NABP1: variants seen among roughly 807,000 people sequenced by gnomAD.
NABP1 encodes SOSS complex subunit B2.
NABP1 carries 18 observed loss-of-function variants against 25.0 expected under a neutral mutation model. That is an observed-to-expected ratio of 0.72 (90% CI 0.50 to 1.07). The LOEUF is 1.07. NABP1 is among the 50% of genes least tolerant of loss of function. NABP1 has a pLI of 0.00. For synonymous variants in NABP1, 71 were observed against 85.0 expected, an observed-to-expected ratio of 0.84 and a Z score of 0.91; for missense variants, 270 against 255.6, an observed-to-expected ratio of 1.06 and a Z score of -0.39.
intron 1 of NABP1, 132 bp downstream of exon 1, chr2:191,678,837 C>T (rs546546280): frequency 7.6e-7 from 1 of 1,318,766 alleles, no homozygotes; most frequent in Non-Finnish European, 1.1e-6. Flanking sequence ...CTCTAGTGGC[C>T]TCCGCCCGAG....
Position 191,683,481 on chromosome 2 carries a change from T to A in NABP1, c.303-248T>A. 8.0e-6 allele frequency: 3 copies of A among 373,908 alleles called. No homozygotes were observed. The South Asian group carries it at 8.8e-5, about 11-fold the overall frequency. 23.2% of individuals were successfully genotyped at this position (373,908 alleles called of 1,614,324 possible). A position where few individuals can be genotyped will look rare whatever the true frequency, so the allele number is the denominator to read the frequency against. On this transcript the variant is annotated intron_variant, in intron 3 of 5. Transcript: ENST00000425611. The surrounding 1 kb of genome is among the most constrained non-coding windows in gnomAD (Gnocchi z 4.1). ...TTGTGTCCTTGATTTTTGATGTGAT[T>A]TTTTTTTCAGCACTAAAGAAGAATT... is the stretch of plus-strand genomic sequence containing the variant.
Position 191,686,234 on chromosome 2 carries a change from C to G in NABP1, c.*466C>G, listed in dbSNP as rs1376712358. ...AGCAGTAATTTTTGAGTGTTTGTGG[C>G]TCTCGGAATGATTGACTTCGTTCAG... On this transcript the variant is annotated 3_prime_UTR_variant, in exon 6 of 6. Transcript: ENST00000425611. 2 of 152,622 alleles carry G rather than the reference C, an allele frequency of 1.3e-5. No individual in the cohort carries two copies. The highest frequency in any genetic ancestry group is 2.9e-5 in the Non-Finnish European group (2 of 68,392). 9.5% of individuals were successfully genotyped at this position (152,622 alleles called of 1,614,324 possible). A position where few individuals can be genotyped will look rare whatever the true frequency, so the allele number is the denominator to read the frequency against.
At chr2:191,680,167 G>T (rs1384637278) in intron 2 of NABP1, among the ~76,000 whole-genome samples, 1 of 152,086 alleles carries the variant, frequency 6.6e-6, no homozygotes, top group Non-Finnish European at 1.5e-5. Flanking sequence ...TTTATCTTAG[G>T]AAGATAAAAG....
chr2:191,684,313 G>A lies in NABP1; in HGVS notation c.445+17G>A. ...GACCAGTGGGTAAGATTTTGTTTGT[G>A]TGTTTCATTTGTGATCAGGTATAAG... On this transcript the variant is annotated intron_variant, in intron 5 of 5. Coordinates refer to ENST00000425611, the MANE Select transcript of NABP1 (RefSeq NM_001031716.5). The A allele has an allele frequency of 6.7e-7, 1 of 1,498,916 alleles. No individual in the cohort carries two copies. Among genetic ancestry groups the A allele is most frequent in the Non-Finnish European group, 8.9e-7 (1 of 1,127,474 alleles). The allele number at this position is 1,498,916 out of a possible 1,614,324, so 92.9% of individuals were successfully genotyped here.
At position 191,684,228 on chromosome 2, in the gene NABP1, A is replaced by C. The variant is rs1195512171; in HGVS notation, c.379-2A>C. On this transcript the variant is annotated splice_acceptor_variant, in intron 4 of 5. Coordinates refer to ENST00000425611, the MANE Select transcript of NABP1 (RefSeq NM_001031716.5). LOFTEE classifies it high-confidence loss of function. ...TTGGTTAAATTAAAAACTTTTTTTT[A>C]GGCACAGAGTGAACAGAAGAATAAT... 6.5e-7 allele frequency: 1 copy of C among 1,542,782 alleles called. No individual in the cohort carries two copies. The highest frequency in any genetic ancestry group is 8.7e-7 in the Non-Finnish European group (1 of 1,150,392).
intron 2 of NABP1, among the ~76,000 whole-genome samples, chr2:191,679,735 A>C (rs776093699): frequency 6.6e-6 from 1 of 151,958 alleles, no homozygotes; most frequent in Non-Finnish European, 1.5e-5. Context: ...TATAGTCCAT[A>C]TTTTTTCTTT....
chr2:191,681,912 A>C, intron 2 of NABP1, 34 bp from the exon 3 acceptor site: 7 of 1,345,914 alleles, frequency 5.2e-6, no homozygotes, highest in Non-Finnish European at 7.0e-6. Context: ...AAATAAATAT[A>C]TTTCTAAAGA....
intron 2 of NABP1, among the ~76,000 whole-genome samples, 182 bp downstream of exon 2, chr2:191,679,310 G>A (rs1392877422): frequency 1.3e-5 from 2 of 152,194 alleles, no homozygotes; most frequent in Non-Finnish European, 2.9e-5. Flanking sequence ...GACCTTTGCA[G>A]TGAAAGGCAG....
intron 2 of NABP1, among the ~76,000 whole-genome samples, chr2:191,679,661 G>A (rs1468675178): frequency 6.6e-6 from 1 of 152,234 alleles, no homozygotes; most frequent in Non-Finnish European, 1.5e-5. Context: ...ACAGGCGTGA[G>A]CCACCACGCC....
chr2:191,684,221 T>G lies in NABP1; in HGVS notation c.379-9T>G, dbSNP rs767546451. 1.9e-6 allele frequency: 3 copies of G among 1,543,246 alleles called. No homozygotes were observed. The highest frequency in any genetic ancestry group is 2.4e-5 in the East Asian group (1 of 40,878). ...TTCTCGTTTGGTTAAATTAAAAACT[T>G]TTTTTTAGGCACAGAGTGAACAGAA... On this transcript the variant is annotated splice_polypyrimidine_tract_variant and intron_variant, in intron 4 of 5. Transcript: ENST00000425611.
Position 191,678,722 on chromosome 2 carries a change from G to A in NABP1, c.91+17G>A. On this transcript the variant is annotated intron_variant, in intron 1 of 5. Transcript: ENST00000425611. Reference sequence around the variant, plus strand: ...TGGAGATAGGTAAGTGGGGTTTGCAGCCTACTCCACCGCCCGCTGTGCCTC... The same window carrying A: ...TGGAGATAGGTAAGTGGGGTTTGCAACCTACTCCACCGCCCGCTGTGCCTC... 6.2e-7 allele frequency: 1 copy of A among 1,604,582 alleles called. No homozygotes were observed. Among genetic ancestry groups the A allele is most frequent in the South Asian group, 1.1e-5 (1 of 90,524 alleles).
In NABP1 at chr2:191,683,627, T is replaced by C. The variant is rs1244800463; in HGVS notation, c.303-102T>C. 1.3e-6 allele frequency: 1 copy of C among 793,760 alleles called. No individual in the cohort carries two copies. The highest frequency in any genetic ancestry group is 2.1e-6 in the Non-Finnish European group (1 of 486,630). The allele number at this position is 793,760 out of a possible 1,614,324, so 49.2% of individuals were successfully genotyped here. On this transcript the variant is annotated intron_variant, in intron 3 of 5. Coordinates refer to ENST00000425611, the MANE Select transcript of NABP1 (RefSeq NM_001031716.5). This position sits in a 1 kb window ranked among gnomAD's most constrained non-coding sequence, Gnocchi z 4.1. The stretch of plus-strand genomic sequence containing the variant: ...GAGTTAGTTTGTTGCTATTAATTTG[T>C]TTGACACATAAGTTCATTCCTAAAA...
Position 191,679,243 on chromosome 2 carries a change from G to A in NABP1, c.230+115G>A, listed in dbSNP as rs10171209. The A allele has an allele frequency of 6.9e-3, 9,041 of 1,316,654 alleles. 505 individuals are homozygous for A. In the African/African-American group the frequency reaches 0.12, roughly 17 times the overall value. The allele number at this position is 1,316,654 out of a possible 1,614,324, so 81.6% of individuals were successfully genotyped here. ...GCCTTTTCTGTGGGCCACTCTTGAG[G>A]AGTTTTGAACTCCTTTGGTGTTAAC... On this transcript the variant is annotated intron_variant, in intron 2 of 5. Transcript: ENST00000425611.
rs1337191927 is a variant in NABP1, at chr2:191,686,618, A to G, written c.*850A>G. ...TGGAGGTGAGTCAAATTGAATTCAT[A>G]TAGTAACATGCAGTCTGAAGTCCTA... is the stretch of plus-strand genomic sequence containing the variant. On this transcript the variant is annotated 3_prime_UTR_variant, in exon 6 of 6. Coordinates refer to ENST00000425611, the MANE Select transcript of NABP1 (RefSeq NM_001031716.5). The G allele has an allele frequency of 6.6e-6, 1 of 152,236 alleles. No individual in the cohort carries two copies. Among genetic ancestry groups the G allele is most frequent in the African/African-American group, 2.4e-5 (1 of 41,464 alleles). 9.4% of individuals were successfully genotyped at this position (152,236 alleles called of 1,614,324 possible). A position where few individuals can be genotyped will look rare whatever the true frequency, so the allele number is the denominator to read the frequency against.
At chr2:191,682,227 C>G in intron 3 of NABP1, 1 of 422,954 alleles carries the variant, frequency 2.4e-6, no homozygotes, top group Non-Finnish European at 4.3e-6. Context: ...TTTTTCCTGG[C>G]AAAGAGCAGT....
At position 191,685,969 on chromosome 2, in the gene NABP1, GA is replaced by G; in HGVS notation, c.*205del. 2.0e-6 allele frequency: 1 copy of G among 491,088 alleles called. No homozygotes were observed. The highest frequency in any genetic ancestry group is 3.5e-6 in the Non-Finnish European group (1 of 281,698). The allele number at this position is 491,088 out of a possible 1,614,324, so 30.4% of individuals were successfully genotyped here. A position where few individuals can be genotyped will look rare whatever the true frequency, so the allele number is the denominator to read the frequency against. On this transcript the variant is annotated 3_prime_UTR_variant, in exon 6 of 6. Transcript: ENST00000425611. ...TCTCCTGTTGAAGAATGGGAACACT[GA>G]AAAGTAGGGGCATTTATTTTTAGAG...
At position 191,679,017 on chromosome 2, in the gene NABP1, A is replaced by T; in HGVS notation, c.119A>T (p.His40Leu). ...IGRVTKTKDG[H>L]EVRSCKVADK... ...CGCGTGACCAAAACCAAAGACGGCC[A>T]TGAAGTGAGATCGTGCAAAGTAGCA... Residue 40 changes from histidine (H) to leucine (L), a missense_variant, in exon 2 of 6, where the codon CAT becomes CTT. Transcript: ENST00000425611. 6.2e-7 allele frequency: 1 copy of T among 1,614,240 alleles called. No individual in the cohort carries two copies. Among genetic ancestry groups the T allele is most frequent in the South Asian group, 1.1e-5 (1 of 91,086 alleles).
chr2:191,685,657 A>T lies in NABP1; in HGVS notation c.504A>T (p.Arg168Ser). 1 of 1,614,074 alleles carries T rather than the reference A, an allele frequency of 6.2e-7. No homozygotes were observed. Residue 168 changes from arginine (R) to serine (S), a missense_variant, in exon 6 of 6, where the codon AGA becomes AGT. Physicochemically the swap from Arg to Ser is moderately radical, Grantham distance 110. Transcript: ENST00000425611. ...AACACCAGTTTTCACATGCTGGCAG[A>T]AGCAATGGCCGGGGACTTATAAATC... is the stretch of plus-strand genomic sequence containing the variant. Reference protein sequence around the residue: ...SREHQFSHAGRSNGRGLINPQ... With the variant: ...SREHQFSHAGSSNGRGLINPQ...
intron 2 of NABP1, among the ~76,000 whole-genome samples, chr2:191,680,312 A>G (rs928797425): frequency 6.6e-6 from 1 of 152,226 alleles, no homozygotes; most frequent in South Asian, 2.1e-4. Context: ...AGTATTGGAA[A>G]GCACTGAGAG....
Sources: gnomAD v4.1 joint callset for allele counts (sites outside exome capture counted in the v4.1 genomes callset) on GRCh38, gnomAD v4.1.1 for gene constraint, Gnocchi (gnomAD v3.1) non-coding constraint, MANE v1.5 for transcripts, NCBI Gene and HGNC (gene_info 2026-07-23, HGNC 2026-07-21) for gene names.